Variants in ASPH observed in about 807,000 individuals in gnomAD.
ASPH encodes the protein aspartyl/asparaginyl beta-hydroxylase.
In ASPH, 100 loss-of-function variants were observed where a neutral mutation model predicts 118.4. The ratio of observed to expected loss-of-function variants is 0.84; its 90% CI spans 0.72 to 1.00. The LOEUF is 1.00. ASPH is among the 50% of genes least tolerant of loss of function. ASPH has a pLI of 0.00. For synonymous variants in ASPH, 315 were observed against 325.6 expected (o/e 0.97, Z 0.35); for missense variants, 920 against 919.5 (o/e 1.00, Z -0.01).
chr8:61,584,036 G>A lies in ASPH; in HGVS notation c.977-7C>T. On this transcript the variant is annotated splice_region_variant and splice_polypyrimidine_tract_variant and intron_variant, in intron 14 of 24. Transcript: ENST00000379454. ...TTAGGCTTCTTTTTCTTAACTGAAA[G>A]AAAAAAGAGATTTTTATTTTTAACG... 1 of 1,453,068 alleles carries A rather than the reference G, an allele frequency of 6.9e-7. No individual in the cohort carries two copies. Among genetic ancestry groups the A allele is most frequent in the Admixed American group, 2.1e-5 (1 of 47,034 alleles). 90.0% of individuals were successfully genotyped at this position (1,453,068 alleles called of 1,614,324 possible).
intron 14 of ASPH, among the ~76,000 whole-genome samples, chr8:61,596,167 C>T (rs989098149): frequency 2.6e-5 from 4 of 152,120 alleles, no homozygotes; most frequent in African/African-American, 9.7e-5. Context: ...TGCTTACACA[C>T]ATGTTCCAGG....
At chr8:61,665,622 A>G (rs756034433) in intron 3 of ASPH, 7 of 1,546,992 alleles carry the variant, frequency 4.5e-6, no homozygotes, top group African/African-American at 2.8e-5. Context: ...AGATTTTCCA[A>G]TTAAAGGAAA....
At chr8:61,668,568 T>C (rs1407555841) in intron 3 of ASPH, among the ~76,000 whole-genome samples, 1 of 152,148 alleles carries the variant, frequency 6.6e-6, no homozygotes, top group Non-Finnish European at 1.5e-5. Context: ...CCACTGGAAA[T>C]TGCATTTTCT....
chr8:61,657,128 A>T (rs1345813998), intron 3 of ASPH: 1 of 152,258 alleles, frequency 6.6e-6, no homozygotes, highest in Non-Finnish European at 1.5e-5. Flanking sequence ...CAGGGAGCAC[A>T]TTAGGGAAAA....
chr8:61,638,858 A>C (rs1478845085), intron 10 of ASPH, among the ~76,000 whole-genome samples: 2 of 152,126 alleles, frequency 1.3e-5, no homozygotes, highest in Non-Finnish European at 2.9e-5. Context: ...GCTCTGCTGC[A>C]AGGAAGTCTC....
At chr8:61,706,827 C>T (rs986648326) in intron 1 of ASPH, among the ~76,000 whole-genome samples, 1 of 152,060 alleles carries the variant, frequency 6.6e-6, no homozygotes, top group Admixed American at 6.5e-5. Flanking sequence ...AAATAGAGCC[C>T]GACGTATTCA....
At chr8:61,641,266 G>C in intron 10 of ASPH, among the ~76,000 whole-genome samples, 1 of 152,044 alleles carries the variant, frequency 6.6e-6, no homozygotes, top group East Asian at 1.9e-4. Context: ...CTTCTTATGA[G>C]TTTGAATTTA....
intron 14 of ASPH, among the ~76,000 whole-genome samples, 165 bp downstream of exon 14, chr8:61,618,813 G>A (rs1432343296): frequency 6.6e-6 from 1 of 152,172 alleles, no homozygotes; most frequent in East Asian, 1.9e-4. Context: ...TAATGTTTAT[G>A]TAAAATATTA....
chr8:61,510,094 G>C (rs139445933), intron 24 of ASPH, among the ~76,000 whole-genome samples: 9 of 152,268 alleles, frequency 5.9e-5, no homozygotes, highest in African/African-American at 2.2e-4. Context: ...CAGACAGGAG[G>C]ATAATAAAAG....
In ASPH at chr8:61,503,018, G is replaced by T. The variant is rs1805197998; in HGVS notation, c.*341C>A. 5.5e-6 allele frequency: 1 copy of T among 181,238 alleles called. No individual in the cohort carries two copies. Among genetic ancestry groups the T allele is most frequent in the Non-Finnish European group, 1.1e-5 (1 of 87,718 alleles). The allele number at this position is 181,238 out of a possible 1,614,324, so 11.2% of individuals were successfully genotyped here. A position where few individuals can be genotyped will look rare whatever the true frequency, so the allele number is the denominator to read the frequency against. ...TACAAACTAAAGCAATCCATTCACA[G>T]TTTCTACATATGTTCTCATTATACA... On this transcript the variant is annotated 3_prime_UTR_variant, in exon 25 of 25. Transcript: ENST00000379454.
chr8:61,516,577 G>A (rs1292560999), intron 24 of ASPH, among the ~76,000 whole-genome samples: 2 of 152,118 alleles, frequency 1.3e-5, no homozygotes, highest in African/African-American at 4.8e-5. Context: ...TGATCTCCAG[G>A]AGCTTACATA....
At chr8:61,555,258 T>C (rs1433636388) in intron 19 of ASPH, among the ~76,000 whole-genome samples, 1 of 151,966 alleles carries the variant, frequency 6.6e-6, no homozygotes, top group East Asian at 1.9e-4. Context: ...ATTTAATACA[T>C]ATGTGTATAT....
chr8:61,694,562 CT>C (rs1203341020), intron 1 of ASPH, among the ~76,000 whole-genome samples: 1 of 152,200 alleles, frequency 6.6e-6, no homozygotes, highest in East Asian at 1.9e-4. Flanking sequence ...ACTCTCCCTC[CT>C]TCTTCCACAC....
At chr8:61,646,612 A>T in intron 6 of ASPH, 138 bp downstream of exon 6, 1 of 1,030,350 alleles carries the variant, frequency 9.7e-7, no homozygotes, top group Non-Finnish European at 1.3e-6. Flanking sequence ...AATTTGCTTT[A>T]ATTGAAGCTT....
At chr8:61,617,107 G>A (rs1387161476) in intron 14 of ASPH, among the ~76,000 whole-genome samples, 2 of 152,158 alleles carry the variant, frequency 1.3e-5, no homozygotes, top group Non-Finnish European at 2.9e-5. Context: ...TAGAGTGCAG[G>A]CAAAAGACCC....
intron 1 of ASPH, among the ~76,000 whole-genome samples, chr8:61,695,970 C>A (rs1387359913): frequency 1.3e-5 from 2 of 152,160 alleles, no homozygotes; most frequent in African/African-American, 4.8e-5. Flanking sequence ...GAGGAAAAGA[C>A]CTACAAATAG....
In ASPH at chr8:61,625,110, T is replaced by C. The variant is rs543399335; in HGVS notation, c.935-6091A>G. On this transcript the variant is annotated intron_variant, in intron 13 of 24. Coordinates refer to ENST00000379454, the MANE Select transcript of ASPH (RefSeq NM_004318.4). ...AATATATCGATCAAACCACTTCTTATGGCTTTGCTTATAGTTGCTCATGGT... is the reference window on the plus strand; with the variant it reads ...AATATATCGATCAAACCACTTCTTACGGCTTTGCTTATAGTTGCTCATGGT... 46 of 985,740 alleles carry C rather than the reference T, an allele frequency of 4.7e-5. No homozygotes were observed. In the African/African-American group the frequency reaches 5.9e-4, roughly 13 times the overall value. 61.1% of individuals were successfully genotyped at this position (985,740 alleles called of 1,614,324 possible).
At chr8:61,578,628 G>A (rs1836197299) in intron 15 of ASPH, 2 of 1,559,174 alleles carry the variant, frequency 1.3e-6, no homozygotes, top group South Asian at 2.2e-5. Flanking sequence ...GAGCAACATG[G>A]ACAACATGTT....
At position 61,707,575 on chromosome 8, in the gene ASPH, CA is replaced by C. The variant is rs533676948; in HGVS notation, c.103+6693del. On this transcript the variant is annotated intron_variant, in intron 1 of 24. Coordinates refer to ENST00000379454, the MANE Select transcript of ASPH (RefSeq NM_004318.4). The stretch of plus-strand genomic sequence containing the variant: ...TAATGTGTGTACTTTCTATGACCCA[CA>C]ATTCCAATTCCAGATTATGCCCTAG... 1.7e-3 allele frequency among the ~76,000 whole-genome samples: 254 copies of C among 152,274 alleles called. 1 individual carries two copies. The highest frequency in any genetic ancestry group is 5.7e-3 in the African/African-American group (235 of 41,552).
Sources: gnomAD v4.1 joint callset for allele counts (sites outside exome capture counted in the v4.1 genomes callset) on GRCh38, gnomAD v4.1.1 for gene constraint, MANE v1.5 for transcripts, NCBI Gene and HGNC (gene_info 2026-07-23, HGNC 2026-07-21) for gene names.